NALF1: variants seen among roughly 807,000 people sequenced by gnomAD.
NALF1 encodes the protein NALCN channel auxiliary factor 1.
In NALF1, 3 loss-of-function variants were observed where a neutral mutation model predicts 48.4. That is an observed-to-expected ratio of 0.06 (90% CI 0.03 to 0.16). The LOEUF is 0.16. Among genes scored for constraint, NALF1 ranks in the 10% least tolerant of loss-of-function variants. NALF1 has a pLI of 1.00. For missense variants in NALF1, 526 were observed against 571.5 expected, an observed-to-expected ratio of 0.92 and a Z score of 0.81; for synonymous variants, 262 against 245.7, an observed-to-expected ratio of 1.07 and a Z score of -0.62.
intron 1 of NALF1, among the ~76,000 whole-genome samples, chr13:107,623,821 A>G (rs913362491): frequency 6.6e-6 from 1 of 152,214 alleles, no homozygotes; most frequent in African/African-American, 2.4e-5. Context: ...ACTAGATAAT[A>G]CTTCGTCAGG....
intron 1 of NALF1, among the ~76,000 whole-genome samples, chr13:107,582,730 A>G (rs548722379): frequency 6.3e-4 from 96 of 152,350 alleles, no homozygotes; most frequent in African/African-American, 2.3e-3. Context: ...GCATACTTAA[A>G]ATGTGGAGTT....
intron 1 of NALF1, among the ~76,000 whole-genome samples, chr13:107,285,995 A>C (rs955337631): frequency 2.6e-5 from 4 of 152,208 alleles, no homozygotes; most frequent in African/African-American, 7.2e-5. Context: ...GAATATTTGA[A>C]GAAATACTGG....
chr13:107,322,731 T>C (rs747804883), intron 1 of NALF1, among the ~76,000 whole-genome samples: 3 of 152,140 alleles, frequency 2.0e-5, no homozygotes, highest in Non-Finnish European at 4.4e-5. Context: ...TTCATAACCA[T>C]CCTTTGTCCA....
intron 1 of NALF1, among the ~76,000 whole-genome samples, chr13:107,368,767 C>G (rs1883197024): frequency 6.6e-6 from 1 of 152,162 alleles, no homozygotes; most frequent in African/African-American, 2.4e-5. Flanking sequence ...CTCCAAAGAC[C>G]CCTTTTCCAA....
At chr13:107,213,230 C>CAAAAA (rs386380636) in intron 1 of NALF1, among the ~76,000 whole-genome samples, 19,601 of 101,900 alleles carry the variant, frequency 0.19, 1,484 homozygotes, top group East Asian at 0.25. Flanking sequence ...TTTTTTAACT[C>CAAAAA]AAAAAAAAAA....
intron 1 of NALF1, among the ~76,000 whole-genome samples, chr13:107,626,157 G>C (rs1052712808): frequency 1.3e-5 from 2 of 151,950 alleles, no homozygotes; most frequent in Non-Finnish European, 1.5e-5. Flanking sequence ...ACTATACTGA[G>C]TTACCACCTT....
chr13:107,853,751 A>C (rs74112685), intron 1 of NALF1, among the ~76,000 whole-genome samples: 2,333 of 152,320 alleles, frequency 0.015, 55 homozygotes, highest in African/African-American at 0.053. Context: ...GAAATGAGAA[A>C]TGTATTTACC....
At chr13:107,328,329 T>C (rs1276728118) in intron 1 of NALF1, among the ~76,000 whole-genome samples, 1 of 151,904 alleles carries the variant, frequency 6.6e-6, no homozygotes, top group East Asian at 1.9e-4. Context: ...TGTTTGGCTC[T>C]CACTATTCTG....
chr13:107,295,918 T>C (rs1881716420), intron 1 of NALF1, among the ~76,000 whole-genome samples: 1 of 152,222 alleles, frequency 6.6e-6, no homozygotes, highest in African/African-American at 2.4e-5. Flanking sequence ...CAAGTCGGTA[T>C]TGTGAACTGT....
chr13:107,494,500 G>C (rs1875259432), intron 1 of NALF1, among the ~76,000 whole-genome samples: 1 of 152,162 alleles, frequency 6.6e-6, no homozygotes, highest in African/African-American at 2.4e-5. Flanking sequence ...TCTATCCATG[G>C]TTGCCTGTGC....
intron 1 of NALF1, among the ~76,000 whole-genome samples, chr13:107,639,663 T>C (rs186758518): frequency 1.3e-5 from 2 of 151,496 alleles, no homozygotes; most frequent in East Asian, 3.9e-4. Flanking sequence ...GGACACAGGT[T>C]TGGGGTGTAT....
Position 107,274,499 on chromosome 13 carries a change from C to T in NALF1, c.916-63744G>A, listed in dbSNP as rs138970405. ...ATGGCTTGAGCCCAGGAGTTCAAGGCTGCAGTGAGCTATGTTCGTACCACT... is the reference window on the plus strand; with the variant it reads ...ATGGCTTGAGCCCAGGAGTTCAAGGTTGCAGTGAGCTATGTTCGTACCACT... On this transcript the variant is annotated intron_variant, in intron 1 of 2. Coordinates refer to ENST00000375915, the MANE Select transcript of NALF1 (RefSeq NM_001080396.3). 6.6e-3 allele frequency among the ~76,000 whole-genome samples: 1,010 copies of T among 152,224 alleles called. 6 individuals are homozygous for T. Among genetic ancestry groups the T allele is most frequent in the Non-Finnish European group, 0.01 (683 of 68,022 alleles).
chr13:107,550,190 G>A (rs1354678753), intron 1 of NALF1, among the ~76,000 whole-genome samples: 1 of 151,838 alleles, frequency 6.6e-6, no homozygotes, highest in Non-Finnish European at 1.5e-5. Context: ...TCCTCTCTTT[G>A]TCTTAACGTT....
intron 1 of NALF1, among the ~76,000 whole-genome samples, chr13:107,708,112 A>G (rs765806891): frequency 1.2e-4 from 18 of 152,066 alleles, no homozygotes; most frequent in Non-Finnish European, 2.5e-4. Context: ...ATATCAAGGT[A>G]AAAGCAGGGA....
At chr13:107,273,485 A>G (rs900844075) in intron 1 of NALF1, among the ~76,000 whole-genome samples, 20 of 152,334 alleles carry the variant, frequency 1.3e-4, no homozygotes, top group African/African-American at 4.6e-4. Flanking sequence ...TCTATGTTAC[A>G]GACATTTTAT....
intron 1 of NALF1, among the ~76,000 whole-genome samples, chr13:107,475,321 A>G (rs1359226348): frequency 2.0e-5 from 3 of 152,182 alleles, no homozygotes; most frequent in Non-Finnish European, 4.4e-5. Flanking sequence ...AAGACAGCAC[A>G]TTACTGTATT....
chr13:107,325,503 C>T (rs1408563), intron 1 of NALF1, among the ~76,000 whole-genome samples: 122,787 of 151,874 alleles, frequency 0.81, 49,845 homozygotes, highest in Non-Finnish European at 0.85. Flanking sequence ...GATTTTTACA[C>T]TGACTTCCAA....
At chr13:107,773,623 T>C (rs1447781755) in intron 1 of NALF1, among the ~76,000 whole-genome samples, 1 of 150,864 alleles carries the variant, frequency 6.6e-6, no homozygotes, top group African/African-American at 2.4e-5. Context: ...GATTTCCTTA[T>C]CATTTAAAAA....
At chr13:107,676,263 CAG>C (rs1881119563) in intron 1 of NALF1, among the ~76,000 whole-genome samples, 1 of 152,190 alleles carries the variant, frequency 6.6e-6, no homozygotes. Flanking sequence ...ATTCAACCAA[CAG>C]AGTCATATAG....
Sources: gnomAD v4.1 joint callset for allele counts (sites outside exome capture counted in the v4.1 genomes callset) on GRCh38, gnomAD v4.1.1 for gene constraint, MANE v1.5 for transcripts, NCBI Gene and HGNC (gene_info 2026-07-23, HGNC 2026-07-21) for gene names.